Variants in HGF observed in about 807,000 individuals in gnomAD.
HGF encodes the protein fibroblast-derived tumor cytotoxic factor.
HGF carries 39 observed loss-of-function variants against 111.6 expected under a neutral mutation model. The ratio of observed to expected loss-of-function variants is 0.35; its 90% CI spans 0.27 to 0.46. The LOEUF is 0.46. Among genes scored for constraint, HGF ranks in the 20% least tolerant of loss-of-function variants. The pLI, the probability that HGF is intolerant of heterozygous loss-of-function variation, is 1.00. For synonymous variants in HGF, 285 were observed against 294.8 expected, an observed-to-expected ratio of 0.97 and a Z score of 0.34; for missense variants, 735 against 910.5, an observed-to-expected ratio of 0.81 and a Z score of 2.48.
intron 6 of HGF, among the ~76,000 whole-genome samples, chr7:81,744,303 A>AT (rs199738928): frequency 4.0e-4 from 58 of 146,574 alleles, no homozygotes; most frequent in East Asian, 3.4e-3. Flanking sequence ...AGTAGACATG[A>AT]TTTTTTTTTT....
intron 7 of HGF, among the ~76,000 whole-genome samples, chr7:81,741,393 G>C (rs1787995058): frequency 6.6e-6 from 1 of 151,980 alleles, no homozygotes; most frequent in South Asian, 2.1e-4. Flanking sequence ...TTGGACAGAA[G>C]AGAAAAAAGA....
chr7:81,735,640 G>T (rs1303655856), intron 7 of HGF, among the ~76,000 whole-genome samples: 2 of 151,996 alleles, frequency 1.3e-5, no homozygotes, highest in African/African-American at 4.8e-5. Context: ...CATGTTCATT[G>T]GTTACTAAGG....
intron 2 of HGF, among the ~76,000 whole-genome samples, chr7:81,759,444 T>A (rs1033693113): frequency 3.3e-5 from 5 of 152,178 alleles, no homozygotes; most frequent in African/African-American, 4.8e-5. Flanking sequence ...GCTATGAAAA[T>A]CTTGTTGAGG....
intron 13 of HGF, among the ~76,000 whole-genome samples, chr7:81,707,822 C>G (rs1007930224): frequency 6.6e-6 from 1 of 152,038 alleles, no homozygotes; most frequent in Non-Finnish European, 1.5e-5. Context: ...CAATTTTATT[C>G]GTGCACTATT....
chr7:81,727,510 T>G (rs1272359271), intron 8 of HGF, among the ~76,000 whole-genome samples: 1 of 152,170 alleles, frequency 6.6e-6, no homozygotes, highest in African/African-American at 2.4e-5. Flanking sequence ...ATAACCCATA[T>G]TCAAACCTTT....
chr7:81,755,279 A>G (rs1788705296), intron 4 of HGF: 1 of 152,142 alleles, frequency 6.6e-6, no homozygotes, highest in Non-Finnish European at 1.5e-5. Context: ...AGACAGAAAC[A>G]TATTTCTTTT....
intron 9 of HGF, among the ~76,000 whole-genome samples, chr7:81,724,809 T>G (rs1412832393): frequency 6.6e-6 from 1 of 152,208 alleles, no homozygotes; most frequent in African/African-American, 2.4e-5. Context: ...TCAATTTACA[T>G]TCCCAACAGG....
At position 81,764,698 on chromosome 7, in the gene HGF, G is replaced by A. The variant is rs557679044; in HGVS notation, c.89-1826C>T. On this transcript the variant is annotated intron_variant, in intron 1 of 17. Transcript: ENST00000222390. ...AATGTTATAAATACGCAAAGTTTTA[G>A]TTTTGTTTTTGAAATTTTATCCTTT... Among the ~76,000 whole-genome samples, 19 of 152,060 alleles carry A rather than the reference G, an allele frequency of 1.2e-4. 1 individual carries two copies. In the South Asian group the frequency reaches 3.9e-3, roughly 31 times the overall value.
chr7:81,743,464 C>T lies in HGF; in HGVS notation c.754G>A (p.Asp252Asn), dbSNP rs752123971. Residue 252 changes from aspartate to asparagine, a missense_variant, in exon 7 of 18, where the codon GAC becomes AAC. Around this residue, in one of 3 missense-constraint regions of HGF, gnomAD observed 553 missense variants for 685.6 expected, o/e 0.81. Coordinates refer to ENST00000222390, the MANE Select transcript of HGF (RefSeq NM_000601.6). ...CAATAATTATCATCAAAGCCCTTGT[C>T]GGGATATCTGCAAACCACACCAAGA... is the stretch of plus-strand genomic sequence containing the variant. ...RHKFLPERYP[D>N]KGFDDNYCRN... The T allele has an allele frequency of 1.3e-5, 21 of 1,605,190 alleles. No homozygotes were observed. Among genetic ancestry groups the T allele is most frequent in the Admixed American group, 3.3e-5 (2 of 59,982 alleles).
intron 7 of HGF, among the ~76,000 whole-genome samples, chr7:81,741,869 C>T (rs755633680): frequency 3.9e-5 from 5 of 128,286 alleles, no homozygotes; most frequent in Middle Eastern, 0.012. Flanking sequence ...ACCCAGGAGG[C>T]GGAAGTTGTG....
intron 5 of HGF, among the ~76,000 whole-genome samples, chr7:81,747,815 C>T (rs189127046): frequency 1.9e-3 from 291 of 152,186 alleles, no homozygotes; most frequent in African/African-American, 6.8e-3. Context: ...TGCCTGTAGT[C>T]CCAGCTACTT....
chr7:81,717,422 A>G, intron 10 of HGF, 57 bp from the exon 11 acceptor site: 2 of 1,462,342 alleles, frequency 1.4e-6, no homozygotes, highest in South Asian at 2.3e-5. Context: ...CAAGAGACAC[A>G]AAATATTACA....
At chr7:81,750,971 T>C in intron 5 of HGF, 1 of 947,012 alleles carries the variant, frequency 1.1e-6, no homozygotes, top group Non-Finnish European at 1.3e-6. Context: ...CAGAATATGA[T>C]ATGGAATGGA....
intron 8 of HGF, 83 bp downstream of exon 8, chr7:81,729,522 C>G: frequency 9.4e-7 from 1 of 1,059,306 alleles, no homozygotes; most frequent in South Asian, 1.3e-5. Context: ...TGATCACTAA[C>G]ACAAAATTAG....
chr7:81,751,207 A>G, intron 5 of HGF: 1 of 936,374 alleles, frequency 1.1e-6, no homozygotes, highest in Non-Finnish European at 1.3e-6. Flanking sequence ...TTAGTATAAA[A>G]CTTGGACAGC....
chr7:81,743,561 G>A, intron 6 of HGF, 90 bp from the exon 7 acceptor site: 1 of 853,494 alleles, frequency 1.2e-6, no homozygotes, highest in South Asian at 1.3e-5. Flanking sequence ...CACTTAGGTT[G>A]TCTACACCTA....
intron 4 of HGF, chr7:81,755,718 C>T (rs1788735379): frequency 2.6e-6 from 1 of 385,984 alleles, no homozygotes; most frequent in East Asian, 5.1e-5. Context: ...TAACACCATG[C>T]AAACTCTCAA....
Position 81,717,547 on chromosome 7 carries a change from A to C in HGF, c.1272-182T>G, listed in dbSNP as rs552640874. On this transcript the variant is annotated intron_variant, in intron 10 of 17. Coordinates refer to ENST00000222390, the MANE Select transcript of HGF (RefSeq NM_000601.6). ...GTTTGGTTGCTACTGTTGTTCCTAC[A>C]CTTTAGAAGCAGATTCTCTAACTTG... Among the ~76,000 whole-genome samples the C allele has an allele frequency of 3.3e-5, 5 of 152,224 alleles. No individual in the cohort carries two copies. In the South Asian group the frequency reaches 6.2e-4, roughly 19 times the overall value.
At chr7:81,759,565 T>C (rs5745633) in intron 2 of HGF, among the ~76,000 whole-genome samples, 1 of 152,006 alleles carries the variant, frequency 6.6e-6, no homozygotes, top group East Asian at 1.9e-4. Flanking sequence ...AGTGCAGTGG[T>C]GTGATCTCGG....
Sources: gnomAD v4.1 joint callset for allele counts (sites outside exome capture counted in the v4.1 genomes callset) on GRCh38, gnomAD v4.1.1 for gene constraint, gnomAD v4.1.1 regional missense constraint, MANE v1.5 for transcripts, NCBI Gene and HGNC (gene_info 2026-07-23, HGNC 2026-07-21) for gene names.